Variants in ADCY7 observed in about 807,000 individuals in gnomAD.
ADCY7 encodes adenylate cyclase type 7.
Under a neutral mutation model 120.6 loss-of-function variants are expected in ADCY7, and 72 were observed. The observed-to-expected ratio is 0.60, with a 90% CI of 0.49 to 0.73. The LOEUF is 0.73. Among genes scored for constraint, ADCY7 ranks in the 30% least tolerant of loss-of-function variants. ADCY7 has a pLI of 0.00. For missense variants in ADCY7, 1,227 were observed against 1,486.0 expected (o/e 0.83, Z 2.87); for synonymous variants, 661 against 628.0 (o/e 1.05, Z -0.78).
intron 10 of ADCY7, among the ~76,000 whole-genome samples, chr16:50,304,087 C>A (rs571786858): frequency 6.6e-6 from 1 of 152,178 alleles, no homozygotes; most frequent in South Asian, 2.1e-4. Flanking sequence ...GTGGTGGGTA[C>A]TTGCTAGCCT....
At position 50,312,036 on chromosome 16, in the gene ADCY7, A is replaced by G. The variant is rs762928884; in HGVS notation, c.2449A>G (p.Ile817Val). 5 of 1,614,096 alleles carry G rather than the reference A, an allele frequency of 3.1e-6. No homozygotes were observed. In the East Asian group the frequency reaches 8.9e-5, roughly 29 times the overall value. Residue 817 changes from isoleucine (I) to valine (V), a missense_variant and splice_region_variant, in exon 21 of 26, where the codon ATT becomes GTT. Coordinates refer to ENST00000673801, the MANE Select transcript of ADCY7 (RefSeq NM_001114.5). ...YITLLTLSRQ[I>V]DYYCRLDCLW... is the part of the protein sequence containing the mutation. The stretch of plus-strand genomic sequence containing the variant: ...GCGCTTATGTTGCTGCCGTTTGCAG[A>G]TTGACTATTACTGCCGCTTGGACTG...
At chr16:50,290,748 C>A in intron 3 of ADCY7, 88 bp downstream of exon 3, 1 of 1,417,988 alleles carries the variant, frequency 7.1e-7, no homozygotes, top group Non-Finnish European at 9.6e-7. Context: ...CCCTTCGTGC[C>A]CCACGCTTGG....
rs112244195 is a variant in ADCY7 at position 50,288,359 on chromosome 16, G to A, written c.171+9G>A. 176 of 1,538,590 alleles carry A rather than the reference G, an allele frequency of 1.1e-4. 1 individual carries two copies. In the African/African-American group the frequency reaches 2.2e-3, roughly 19 times the overall value. On this transcript the variant is annotated intron_variant, in intron 2 of 25. Transcript: ENST00000673801. The stretch of plus-strand genomic sequence containing the variant: ...TTGCCTTCAGCCAGGGGGTGAGTGA[G>A]GGCAGCCCCTGGGCTTCACGTCTCG...
upstream of ADCY7, among the ~76,000 whole-genome samples, chr16:50,244,804 G>C (rs369883414): frequency 5.9e-5 from 9 of 152,344 alleles, no homozygotes; most frequent in Non-Finnish European, 1.0e-4. Flanking sequence ...GCCCTCCACG[G>C]GGAGGCCGAT....
intron 17 of ADCY7, 149 bp downstream of exon 17, chr16:50,308,941 AG>A (rs2036266743): frequency 1.0e-6 from 1 of 962,928 alleles, no homozygotes; most frequent in South Asian, 2.1e-5. Flanking sequence ...TTGTACACTC[AG>A]GGCTCCTCAC....
chr16:50,307,080 C>G lies in ADCY7; in HGVS notation c.1783C>G (p.His595Asp). The G allele has an allele frequency of 6.2e-7, 1 of 1,611,122 alleles. No individual in the cohort carries two copies. The highest frequency in any genetic ancestry group is 1.3e-5 in the African/African-American group (1 of 75,038). The change falls in exon 15 of 26, where the codon CAC becomes GAC. Residue 595 changes from histidine to aspartate, a missense_variant. Coordinates refer to ENST00000673801, the MANE Select transcript of ADCY7 (RefSeq NM_001114.5). ...CCTGGCACCCATCCCCCGGGCCCGC[C>G]ACGACTTTGCCTGCGCCAGCCTGAT... Reference protein sequence around the residue: ...YRLAPIPRARHDFACASLIFV... With the variant: ...YRLAPIPRARDDFACASLIFV...
Position 50,301,071 on chromosome 16 carries a change from G to T in ADCY7, c.1236-11G>T. The stretch of plus-strand genomic sequence containing the variant: ...GGCCCCAAGGCTCTGCCTGACTTGG[G>T]TCTCCCGTAGCCGGGTGCACATCAC... On this transcript the variant is annotated splice_polypyrimidine_tract_variant and intron_variant, in intron 9 of 25. Coordinates refer to ENST00000673801, the MANE Select transcript of ADCY7 (RefSeq NM_001114.5). The T allele has an allele frequency of 1.2e-6, 2 of 1,612,414 alleles. No individual in the cohort carries two copies. The highest frequency in any genetic ancestry group is 1.7e-6 in the Non-Finnish European group (2 of 1,179,234).
chr16:50,313,859 G>A (rs982120493), intron 22 of ADCY7, 99 bp from the exon 23 acceptor site: 12 of 924,440 alleles, frequency 1.3e-5, no homozygotes, highest in African/African-American at 3.3e-5. Flanking sequence ...GAGAGGCGGC[G>A]ATGGGTGGAG....
At chr16:50,247,235 A>G (rs1006152668) in intron 1 of ADCY7, among the ~76,000 whole-genome samples, 1 of 152,076 alleles carries the variant, frequency 6.6e-6, no homozygotes, top group African/African-American at 2.4e-5. Context: ...TGGGCTGTGG[A>G]GCTGGGGACA....
At chr16:50,313,435 C>CA (rs764858899) in intron 22 of ADCY7, 2,851 of 164,388 alleles carry the variant, frequency 0.017, 75 homozygotes, top group African/African-American at 0.064. Context: ...ACAACAACAA[C>CA]AAAAAAAAAA....
rs541706751 is a variant in ADCY7 at position 50,291,870 on chromosome 16, G to T, written c.510G>T (p.Thr170=). The T allele has an allele frequency of 6.2e-7, 1 of 1,613,406 alleles. No individual in the cohort carries two copies. The highest frequency in any genetic ancestry group is 2.2e-5 in the East Asian group (1 of 44,862). The change falls in exon 4 of 26, where the codon ACG becomes ACT. Residue 170 remains threonine (T), a synonymous_variant. Coordinates refer to ENST00000673801, the MANE Select transcript of ADCY7 (RefSeq NM_001114.5). ...LVLGSLMGGF[T]TPSVRVGLQL... is the part of the protein sequence containing the mutation. ...TCGGTTCTTTGATGGGAGGCTTCAC[G>T]ACACCCAGTGTCCGGGTGGGGCTGC...
At chr16:50,248,919 T>C (rs111539026) in intron 1 of ADCY7, among the ~76,000 whole-genome samples, 2,579 of 152,308 alleles carry the variant, frequency 0.017, 76 homozygotes, top group African/African-American at 0.059. Flanking sequence ...GAGCTTCATG[T>C]CACCTCTTCC....
chr16:50,311,861 G>A (rs2036501546), intron 20 of ADCY7, 75 bp downstream of exon 20: 1 of 1,390,170 alleles, frequency 7.2e-7, no homozygotes, highest in African/African-American at 1.4e-5. Flanking sequence ...ATGGGGTGGG[G>A]TGGGGTGGGC....
At chr16:50,246,442 A>G (rs1026579707) in intron 1 of ADCY7, among the ~76,000 whole-genome samples, 1 of 152,010 alleles carries the variant, frequency 6.6e-6, no homozygotes, top group Non-Finnish European at 1.5e-5. Flanking sequence ...AGGCACGGCC[A>G]GGAGACGCTT....
intron 1 of ADCY7, among the ~76,000 whole-genome samples, chr16:50,283,914 A>T (rs1307669616): frequency 6.6e-6 from 1 of 152,188 alleles, no homozygotes; most frequent in African/African-American, 2.4e-5. Flanking sequence ...CCCCCCCGTC[A>T]TGGAGGTGTG....
At chr16:50,299,628 T>C (rs1373453932) in intron 8 of ADCY7, among the ~76,000 whole-genome samples, 1 of 152,236 alleles carries the variant, frequency 6.6e-6, no homozygotes, top group Non-Finnish European at 1.5e-5. Context: ...TCAGGCCGTG[T>C]TCCAGCCTGT....
chr16:50,311,700 C>G lies in ADCY7; in HGVS notation c.2362C>G (p.Pro788Ala). The G allele has an allele frequency of 6.2e-7, 1 of 1,613,454 alleles. No homozygotes were observed. The highest frequency in any genetic ancestry group is 8.5e-7 in the Non-Finnish European group (1 of 1,179,430). Residue 788 changes from proline (P) to alanine (A), a missense_variant, in exon 20 of 26, where the codon CCT (proline) becomes GCT (alanine). Coordinates refer to ENST00000673801, the MANE Select transcript of ADCY7 (RefSeq NM_001114.5). ...GCCTCCCTTCGCATTCAGTGGCACC[C>G]CTAGCTGTTCCTGGAAGGACCTGAA... ...TKPNGTTSGTPSCSWKDLKTM... is the reference protein window; with the variant it reads ...TKPNGTTSGTASCSWKDLKTM...
chr16:50,305,064 A>T, intron 12 of ADCY7, 105 bp downstream of exon 12: 3 of 1,445,658 alleles, frequency 2.1e-6, no homozygotes, highest in Non-Finnish European at 2.9e-6. Context: ...GGCCCAGCCC[A>T]GGACCTCTGT....
chr16:50,282,717 T>C (rs1248523396), intron 1 of ADCY7, among the ~76,000 whole-genome samples: 2 of 91,158 alleles, frequency 2.2e-5, no homozygotes, highest in African/African-American at 8.3e-5. Flanking sequence ...TCCCAGCTTT[T>C]TTTTTTTTTC....
Sources: gnomAD v4.1 joint callset for allele counts (sites outside exome capture counted in the v4.1 genomes callset) on GRCh38, gnomAD v4.1.1 for gene constraint, MANE v1.5 for transcripts, NCBI Gene and HGNC (gene_info 2026-07-23, HGNC 2026-07-21) for gene names.